Variants in EPHB2 observed in about 807,000 individuals in gnomAD.
The protein encoded by EPHB2 is ephrin type-B receptor 2.
EPHB2 carries 18 observed loss-of-function variants against 96.4 expected under a neutral mutation model. The ratio of observed to expected loss-of-function variants is 0.19; its 90% confidence interval spans 0.13 to 0.28. EPHB2 has a LOEUF of 0.28. Among genes scored for constraint, EPHB2 ranks in the 10% least tolerant of loss-of-function variants. The pLI is 1.00. For synonymous variants in EPHB2, 506 were observed against 534.1 expected, an observed-to-expected ratio of 0.95 and a Z score of 0.72; for missense variants, 989 against 1,355.4, an observed-to-expected ratio of 0.73 and a Z score of 4.25.
Position 22,792,571 on chromosome 1 carries a change from G to GTCCA in EPHB2, c.811+7522_811+7525dup, listed in dbSNP as rs372019690. 3.3e-3 allele frequency among the ~76,000 whole-genome samples: 505 copies of GTCCA among 151,774 alleles called. 3 individuals carry two copies. The highest frequency in any genetic ancestry group is 6.9e-3 in the African/African-American group (287 of 41,354). ...CTTCCCCTTTCCTATCCATCCATTGGTCCATCCATCCATCCATCCATCCAT... is the reference window on the plus strand; with the variant it reads ...CTTCCCCTTTCCTATCCATCCATTGGTCCATCCATCCATCCATCCATCCATCCAT... On this transcript the variant is annotated intron_variant, in intron 3 of 15. Transcript: ENST00000374630.
At chr1:22,756,316 C>G (rs1353979083) in intron 1 of EPHB2, among the ~76,000 whole-genome samples, 1 of 151,650 alleles carries the variant, frequency 6.6e-6, no homozygotes, top group Non-Finnish European at 1.5e-5. Context: ...CGGAAGGGTC[C>G]GGAGGGGAGG....
In EPHB2 at chr1:22,862,258, A is replaced by C. The variant is rs113747603; in HGVS notation, c.812-779A>C. The stretch of plus-strand genomic sequence containing the variant: ...CACAGCCCATGGGAGAAGCCAAATG[A>C]GGGCCGAGTGCAAGCAGTGCCCTCC... On this transcript the variant is annotated intron_variant, in intron 3 of 15. Coordinates refer to ENST00000374630, the MANE Select transcript of EPHB2 (RefSeq NM_017449.5). Among the ~76,000 whole-genome samples, 622 of 152,384 alleles carry C rather than the reference A, an allele frequency of 4.1e-3. 2 individuals carry two copies. The highest frequency in any genetic ancestry group is 0.024 in the Middle Eastern group (7 of 294).
intron 3 of EPHB2, among the ~76,000 whole-genome samples, chr1:22,830,703 G>A (rs561389730): frequency 4.6e-5 from 7 of 150,972 alleles, no homozygotes; most frequent in Admixed American, 6.6e-5. Flanking sequence ...GATTACAGGC[G>A]CCCACCACCA....
chr1:22,736,663 T>C (rs906425540), intron 1 of EPHB2, among the ~76,000 whole-genome samples: 4 of 152,156 alleles, frequency 2.6e-5, no homozygotes, highest in African/African-American at 7.2e-5. Flanking sequence ...CAGCGCGGCA[T>C]GTTTGCGCCG....
chr1:22,806,011 G>C (rs1307818621), intron 3 of EPHB2, among the ~76,000 whole-genome samples: 3 of 152,182 alleles, frequency 2.0e-5, no homozygotes, highest in African/African-American at 7.2e-5. Flanking sequence ...AGCCCTAATT[G>C]TGCAGGTGGG....
At position 22,906,179 on chromosome 1, in the gene EPHB2, C is replaced by T; in HGVS notation, c.1888+70C>T. 6.2e-7 allele frequency: 1 copy of T among 1,610,394 alleles called. No individual in the cohort carries two copies. The highest frequency in any genetic ancestry group is 8.5e-7 in the Non-Finnish European group (1 of 1,178,402). On this transcript the variant is annotated intron_variant, in intron 10 of 15. Coordinates refer to ENST00000374630, the MANE Select transcript of EPHB2 (RefSeq NM_017449.5). The surrounding 1 kb of genome is among the most constrained non-coding windows in gnomAD (Gnocchi z 4.8). The stretch of plus-strand genomic sequence containing the variant: ...CTGGTGAGACCACCCCAATGTATAC[C>T]CTTGGGGCAGAAGGTAGGATGTGGG...
At chr1:22,910,343 C>T in intron 13 of EPHB2, 39 bp from the exon 14 acceptor site, 2 of 1,612,308 alleles carry the variant, frequency 1.2e-6, no homozygotes, top group Non-Finnish European at 1.7e-6. Context: ...CGCCCTCAGC[C>T]CATCCACCCA....
intron 1 of EPHB2, among the ~76,000 whole-genome samples, chr1:22,766,627 G>A (rs1179670894): frequency 6.6e-6 from 1 of 152,186 alleles, no homozygotes; most frequent in African/African-American, 2.4e-5. Context: ...TTGGGGGGAG[G>A]AGAGGGCTAG....
chr1:22,770,557 G>C (rs1455430695), intron 1 of EPHB2, among the ~76,000 whole-genome samples: 2 of 152,198 alleles, frequency 1.3e-5, no homozygotes, highest in Admixed American at 6.5e-5. Context: ...CACATGCAGA[G>C]GGATTTGAGG....
intron 3 of EPHB2, among the ~76,000 whole-genome samples, chr1:22,833,107 T>C (rs1046372816): frequency 7.3e-5 from 11 of 150,678 alleles, no homozygotes; most frequent in African/African-American, 2.7e-4. Flanking sequence ...ATTTAAGGGA[T>C]TTTTTTTTCT....
At chr1:22,763,250 TG>T (rs1200355228) in intron 1 of EPHB2, among the ~76,000 whole-genome samples, 2 of 152,152 alleles carry the variant, frequency 1.3e-5, no homozygotes, top group Non-Finnish European at 2.9e-5. Context: ...ATCTATAAAA[TG>T]GGGCTGATAA....
rs964390069 is a variant in EPHB2 at position 22,883,720 on chromosome 1, C to T, written c.1428+1237C>T. Among the ~76,000 whole-genome samples the T allele has an allele frequency of 3.9e-5, 6 of 152,174 alleles. No individual in the cohort carries two copies. The East Asian group carries it at 1.2e-3, about 29-fold the overall frequency. On this transcript the variant is annotated intron_variant, in intron 6 of 15. Coordinates refer to ENST00000374630, the MANE Select transcript of EPHB2 (RefSeq NM_017449.5). ...TGGATCGGCTAACCAGGCCGGTCTC[C>T]AGGGCCTTTCAAACACTTACCCAGC... is the stretch of plus-strand genomic sequence containing the variant.
chr1:22,894,543 G>T (rs1003881958), intron 7 of EPHB2, among the ~76,000 whole-genome samples: 1 of 151,082 alleles, frequency 6.6e-6, no homozygotes, highest in African/African-American at 2.4e-5. Flanking sequence ...GTTGCAGTGA[G>T]CCGAGATCGT....
At chr1:22,780,804 A>G (rs1275252432) in intron 1 of EPHB2, among the ~76,000 whole-genome samples, 1 of 152,180 alleles carries the variant, frequency 6.6e-6, no homozygotes, top group Non-Finnish European at 1.5e-5. Context: ...GTGAGACTAG[A>G]CTGGCCTAGA....
At chr1:22,741,193 TTCTA>T (rs1008286655) in intron 1 of EPHB2, among the ~76,000 whole-genome samples, 14 of 151,994 alleles carry the variant, frequency 9.2e-5, no homozygotes, top group Admixed American at 7.9e-4. Context: ...TATCCTCTGA[TTCTA>T]TCTAAGTGCC....
Position 22,917,950 on chromosome 1 carries a change from G to T in EPHB2, c.*4380G>T. 6.6e-6 allele frequency: 1 copy of T among 152,498 alleles called. No individual in the cohort carries two copies. The highest frequency in any genetic ancestry group is 1.5e-5 in the Non-Finnish European group (1 of 68,172). 9.4% of individuals were successfully genotyped at this position (152,498 alleles called of 1,614,324 possible). ...AGCTGCCAGAATGGTCCAACACAGT[G>T]AGGAGTTGTGTCTGGATGGGCCAGT... is the stretch of plus-strand genomic sequence containing the variant. On this transcript the variant is annotated 3_prime_UTR_variant, in exon 16 of 16. Transcript: ENST00000374630.
At chr1:22,891,371 G>T in intron 6 of EPHB2, 1 of 345,308 alleles carries the variant, frequency 2.9e-6, no homozygotes, top group Non-Finnish European at 5.7e-6. Context: ...TTCTGGATAA[G>T]CATTCACAGA....
At chr1:22,795,498 C>T (rs1000564482) in intron 3 of EPHB2, among the ~76,000 whole-genome samples, 20 of 137,332 alleles carry the variant, frequency 1.5e-4, no homozygotes, top group Admixed American at 1.4e-3. Context: ...TTTGTTTTGC[C>T]CCCATAGCTT....
At position 22,912,490 on chromosome 1, in the gene EPHB2, T is replaced by A; in HGVS notation, c.2743T>A (p.Phe915Ile). The A allele has an allele frequency of 6.2e-7, 1 of 1,613,968 alleles. No individual in the cohort carries two copies. Among genetic ancestry groups the A allele is most frequent in the East Asian group, 2.2e-5 (1 of 44,858 alleles). The change falls in exon 15 of 16, where the codon TTT (phenylalanine) becomes ATT (isoleucine). Residue 915 changes from phenylalanine (F) to isoleucine (I), a missense_variant. Phe to Ile is a conservative substitution (Grantham distance 21). Coordinates refer to ENST00000374630, the MANE Select transcript of EPHB2 (RefSeq NM_017449.5). ...CCGCACGATCCCCGACTACACCAGC[T>A]TTAACACGGTGGACGAGTGGCTGGA... is the stretch of plus-strand genomic sequence containing the variant. ...LDRTIPDYTS[F>I]NTVDEWLEAI...
Sources: gnomAD v4.1 joint callset for allele counts (sites outside exome capture counted in the v4.1 genomes callset) on GRCh38, gnomAD v4.1.1 for gene constraint, Gnocchi (gnomAD v3.1) non-coding constraint, MANE v1.5 for transcripts, NCBI Gene and HGNC (gene_info 2026-07-23, HGNC 2026-07-21) for gene names.